The following MTMR7 variants were observed in gnomAD, a reference collection of about 807,000 sequenced individuals.
The protein encoded by MTMR7 is myotubularin related protein 7.
Under a neutral mutation model 81.2 loss-of-function variants are expected in MTMR7, and 76 were observed. The ratio of observed to expected loss-of-function variants is 0.94; its 90% confidence interval spans 0.78 to 1.13. The LOEUF is 1.13. Ranked by LOEUF, MTMR7 falls within the 50% of genes most tolerant of loss-of-function variation. The pLI, the probability that MTMR7 is intolerant of heterozygous loss-of-function variation, is 0.00. For synonymous variants in MTMR7, 372 were observed against 289.8 expected (o/e 1.28, Z -2.88); for missense variants, 1,044 against 820.0 (o/e 1.27, Z -3.34).
At chr8:17,364,329 G>C (rs141487301) in intron 3 of MTMR7, among the ~76,000 whole-genome samples, 1 of 151,996 alleles carries the variant, frequency 6.6e-6, no homozygotes, top group African/African-American at 2.4e-5. Flanking sequence ...CACCGCGCCC[G>C]GTCAAAAAGT....
chr8:17,388,785 C>T (rs1563374348), intron 1 of MTMR7, among the ~76,000 whole-genome samples: 1 of 152,188 alleles, frequency 6.6e-6, no homozygotes, highest in Non-Finnish European at 1.5e-5. Flanking sequence ...CTGGCAAGTA[C>T]CAGTGCCAGA....
chr8:17,390,559 G>C (rs751413541), intron 1 of MTMR7, among the ~76,000 whole-genome samples: 2 of 152,124 alleles, frequency 1.3e-5, no homozygotes, highest in African/African-American at 4.8e-5. Context: ...ATAAGCAGTT[G>C]AGTGAGGAGG....
At chr8:17,338,093 G>C (rs377251730) in intron 6 of MTMR7, among the ~76,000 whole-genome samples, 2 of 152,302 alleles carry the variant, frequency 1.3e-5, no homozygotes, top group East Asian at 3.9e-4. Flanking sequence ...AACATACACA[G>C]TCTTTAAAAG....
At chr8:17,322,784 C>G (rs1012884571) in intron 7 of MTMR7, among the ~76,000 whole-genome samples, 7 of 152,072 alleles carry the variant, frequency 4.6e-5, no homozygotes, top group African/African-American at 1.7e-4. Context: ...ACAGTTGCAT[C>G]ACTGCACTTC....
At chr8:17,373,438 C>T (rs1204103352) in intron 1 of MTMR7, among the ~76,000 whole-genome samples, 198 bp from the exon 2 acceptor site, 1 of 152,120 alleles carries the variant, frequency 6.6e-6, no homozygotes, top group Non-Finnish European at 1.5e-5. Context: ...TGAACATTCA[C>T]CAGTTACGAA....
intron 7 of MTMR7, among the ~76,000 whole-genome samples, chr8:17,322,945 A>ATTTTT (rs761158900): frequency 9.3e-6 from 1 of 108,084 alleles, no homozygotes; most frequent in Admixed American, 1.0e-4. Context: ...AGTGGATTGA[A>ATTTTT]TTATCTTTTT....
At position 17,371,143 on chromosome 8, in the gene MTMR7, G is replaced by C; in HGVS notation, c.204C>G (p.Cys68Trp). 4 of 1,614,216 alleles carry C rather than the reference G, an allele frequency of 2.5e-6. No homozygotes were observed. The highest frequency in any genetic ancestry group is 3.4e-6 in the Non-Finnish European group (4 of 1,180,030). ...AGTTCTTGCAGCGAATCAGCAGAGG[G>C]CATCCGGTAGCGGTTGTTGCCTGTT... ...IEKQATTATG[C>W]PLLIRCKNFQ... The change falls in exon 3 of 14, where the codon TGC becomes TGG. Residue 68 changes from cysteine to tryptophan, a missense_variant. Physicochemically the swap from Cys to Trp is radical, Grantham distance 215. Coordinates refer to ENST00000180173, the MANE Select transcript of MTMR7 (RefSeq NM_004686.5).
intron 4 of MTMR7, 138 bp from the exon 5 acceptor site, chr8:17,349,219 G>T: frequency 9.4e-7 from 1 of 1,058,242 alleles, no homozygotes; most frequent in Non-Finnish European, 1.4e-6. Flanking sequence ...GCTATTTCGA[G>T]GAAACTCAAA....
intron 7 of MTMR7, among the ~76,000 whole-genome samples, chr8:17,325,271 A>G (rs1238576952): frequency 1.3e-5 from 2 of 152,158 alleles, no homozygotes; most frequent in Non-Finnish European, 2.9e-5. Context: ...TGTGACCGTC[A>G]TACCCACCAC....
intron 1 of MTMR7, among the ~76,000 whole-genome samples, chr8:17,390,898 G>A (rs961736101): frequency 6.6e-6 from 1 of 152,222 alleles, no homozygotes; most frequent in South Asian, 2.1e-4. Flanking sequence ...AACACGTGGG[G>A]ATTACAATTC....
chr8:17,359,050 T>G (rs913860816), intron 4 of MTMR7, among the ~76,000 whole-genome samples: 11 of 151,978 alleles, frequency 7.2e-5, no homozygotes, highest in African/African-American at 2.4e-4. Flanking sequence ...CACACCTCCA[T>G]GTCCAGCTAA....
intron 7 of MTMR7, among the ~76,000 whole-genome samples, chr8:17,325,007 A>C (rs1477235675): frequency 6.6e-6 from 1 of 152,144 alleles, no homozygotes; most frequent in Non-Finnish European, 1.5e-5. Flanking sequence ...AAAAGCTTAA[A>C]TTTGCAATAT....
At chr8:17,357,425 G>T (rs1819927886) in intron 4 of MTMR7, among the ~76,000 whole-genome samples, 1 of 152,154 alleles carries the variant, frequency 6.6e-6, no homozygotes, top group African/African-American at 2.4e-5. Flanking sequence ...TACAGCATAT[G>T]CAGACCAAGT....
intron 12 of MTMR7, 182 bp from the exon 13 acceptor site, chr8:17,302,462 T>TA: frequency 1.8e-6 from 1 of 570,912 alleles, no homozygotes; most frequent in Non-Finnish European, 2.9e-6. Flanking sequence ...CTTGGGTCAG[T>TA]AAATGCCTTT....
chr8:17,368,422 G>T (rs1479962868), intron 3 of MTMR7, among the ~76,000 whole-genome samples: 4 of 152,046 alleles, frequency 2.6e-5, no homozygotes, highest in East Asian at 1.9e-4. Flanking sequence ...CCAGAATATC[G>T]AGAGAGCTAC....
chr8:17,307,883 G>C (rs1817561381), intron 10 of MTMR7, among the ~76,000 whole-genome samples: 1 of 150,920 alleles, frequency 6.6e-6, no homozygotes, highest in Non-Finnish European at 1.5e-5. Context: ...ACCGGGGACT[G>C]TTGTGGGGTG....
At chr8:17,392,272 C>T (rs1821129764) in intron 1 of MTMR7, among the ~76,000 whole-genome samples, 1 of 152,100 alleles carries the variant, frequency 6.6e-6, no homozygotes, top group Admixed American at 6.6e-5. Context: ...AAGTGATAAC[C>T]AAACCTAATC....
At chr8:17,396,444 G>C (rs369835709) in intron 1 of MTMR7, among the ~76,000 whole-genome samples, 1 of 152,156 alleles carries the variant, frequency 6.6e-6, no homozygotes, top group African/African-American at 2.4e-5. Context: ...GCGGGAAGGA[G>C]AGCATAGCTA....
chr8:17,324,455 A>G (rs1818566726), intron 7 of MTMR7, among the ~76,000 whole-genome samples: 1 of 152,188 alleles, frequency 6.6e-6, no homozygotes, highest in South Asian at 2.1e-4. Flanking sequence ...ACTGAGCTGG[A>G]ATCCATTCCA....
Sources: gnomAD v4.1 joint callset for allele counts (sites outside exome capture counted in the v4.1 genomes callset) on GRCh38, gnomAD v4.1.1 for gene constraint, MANE v1.5 for transcripts, NCBI Gene and HGNC (gene_info 2026-07-23, HGNC 2026-07-21) for gene names.